The following ZNF517 variants were observed in gnomAD, a reference collection of about 807,000 sequenced individuals.
ZNF517 encodes the protein zinc finger protein 517.
In ZNF517, 12 loss-of-function variants were observed where a neutral mutation model predicts 12.1. The ratio of observed to expected loss-of-function variants is 0.99; its 90% CI spans 0.63 to 1.61. ZNF517 has a LOEUF of 1.61. Ranked by LOEUF, ZNF517 falls within the 40% of genes most tolerant of loss-of-function variation. The pLI, the probability that ZNF517 is intolerant of heterozygous loss-of-function variation, is 0.00. For synonymous variants in ZNF517, 388 were observed against 310.2 expected (o/e 1.25, Z -2.63); for missense variants, 781 against 693.2 (o/e 1.13, Z -1.42).
At chr8:144,804,087 C>G in intron 3 of ZNF517, 38 bp from the exon 4 acceptor site, 5 of 1,599,206 alleles carry the variant, frequency 3.1e-6, no homozygotes, top group Non-Finnish European at 4.3e-6. Context: ...CTTCTCCCTC[C>G]TGTACTGATA....
At chr8:144,801,815 G>A (rs148591685) in intron 1 of ZNF517, among the ~76,000 whole-genome samples, 1,701 of 152,082 alleles carry the variant, frequency 0.011, 32 homozygotes, top group African/African-American at 0.037. Flanking sequence ...GAGATCACTT[G>A]GGTCCAGGAG....
intron 1 of ZNF517, among the ~76,000 whole-genome samples, chr8:144,799,165 C>G (rs922232752): frequency 6.6e-6 from 1 of 152,108 alleles, no homozygotes; most frequent in Non-Finnish European, 1.5e-5. Context: ...GCCGGGCCCC[C>G]GAGACCCGCT....
chr8:144,805,999 T>A (rs920745929), intron 4 of ZNF517, among the ~76,000 whole-genome samples: 7 of 149,800 alleles, frequency 4.7e-5, no homozygotes, highest in African/African-American at 1.3e-4. Context: ...TCATCATATC[T>A]ATAATCTCTT....
chr8:144,810,334 G>C (rs1252625408), downstream of ZNF517: 4 of 534,644 alleles, frequency 7.5e-6, no homozygotes, highest in Non-Finnish European at 1.4e-5. Context: ...GGAACATGCA[G>C]ACCTGGCCCC....
downstream of ZNF517, chr8:144,811,304 CTT>C (rs1385640388): frequency 6.6e-6 from 1 of 152,522 alleles, no homozygotes; most frequent in Non-Finnish European, 1.5e-5. Flanking sequence ...GTTTCTGTCT[CTT>C]TTTGTTCCCA....
Position 144,804,106 on chromosome 8 carries a change from T to A in ZNF517, c.161-19T>A, listed in dbSNP as rs946752472. On this transcript the variant is annotated intron_variant, in intron 3 of 4. Coordinates refer to ENST00000359971, the MANE Select transcript of ZNF517 (RefSeq NM_213605.3). ...TCCCTCCTGTACTGATACGTGCTGC[T>A]TTCCTTCTCTGAGCTTAGGCTTTCT... 3 of 1,612,168 alleles carry A rather than the reference T, an allele frequency of 1.9e-6. No homozygotes were observed. In the African/African-American group the frequency reaches 4.0e-5, roughly 22 times the overall value.
At chr8:144,803,557 T>C in intron 2 of ZNF517, 84 bp from the exon 3 acceptor site, 1 of 1,566,686 alleles carries the variant, frequency 6.4e-7, no homozygotes, top group Non-Finnish European at 8.7e-7. Context: ...GAGAGAGGCC[T>C]CTAGCAGATC....
downstream of ZNF517, among the ~76,000 whole-genome samples, chr8:144,811,428 T>C (rs1827551429): frequency 1.3e-5 from 2 of 149,136 alleles, no homozygotes; most frequent in African/African-American, 5.0e-5. Context: ...GACTGCAGCC[T>C]GGAAGCAAAG....
At chr8:144,799,036 T>A (rs542169606) in intron 1 of ZNF517, 99 bp downstream of exon 1, 2 of 151,962 alleles carry the variant, frequency 1.3e-5, no homozygotes, top group Non-Finnish European at 2.9e-5. Flanking sequence ...CGCGCGGAGC[T>A]CGGCAGGGAG....
intron 4 of ZNF517, 84 bp downstream of exon 4, chr8:144,804,322 C>T: frequency 1.0e-6 from 1 of 961,930 alleles, no homozygotes; most frequent in Non-Finnish European, 1.5e-6. Context: ...CCTTCTTCTA[C>T]AGTGGGAGGT....
chr8:144,813,255 G>T (rs1449723032), downstream of ZNF517, among the ~76,000 whole-genome samples: 2 of 149,422 alleles, frequency 1.3e-5, no homozygotes, highest in Non-Finnish European at 3.0e-5. Context: ...GTCGGAGGTT[G>T]CAGTGAGCCG....
intron 1 of ZNF517, chr8:144,800,499 T>C (rs2130413721): frequency 3.0e-6 from 3 of 985,212 alleles, no homozygotes; most frequent in South Asian, 4.7e-5. Context: ...GAGGGTGGTA[T>C]GTGTTGAGGG....
chr8:144,805,370 G>A (rs1827175115), intron 4 of ZNF517, among the ~76,000 whole-genome samples: 1 of 152,186 alleles, frequency 6.6e-6, no homozygotes, highest in Admixed American at 6.5e-5. Flanking sequence ...TCGCTCTGTC[G>A]CCCAGGCTGG....
Position 144,807,346 on chromosome 8 carries a change from G to T in ZNF517, c.430G>T (p.Gly144Trp), listed in dbSNP as rs751318488. The T allele has an allele frequency of 1.3e-6, 2 of 1,554,588 alleles. No individual in the cohort carries two copies. The highest frequency in any genetic ancestry group is 8.7e-7 in the Non-Finnish European group (1 of 1,148,772). Residue 144 changes from glycine to tryptophan, a missense_variant, in exon 5 of 5, where the codon GGG becomes TGG. By Grantham distance (184) the Gly-to-Trp change is radical. Transcript: ENST00000359971. ...CCACCCGCATGGCGGTCCTGAGGAC[G>T]GGTCAGATAAACCCACCCACCCCCG... is the stretch of plus-strand genomic sequence containing the variant. ...PPHPHGGPED[G>W]SDKPTHPRAR...
rs1030080271 is a variant in ZNF517, at chr8:144,808,793, C to T, written c.*398C>T. 45 of 165,096 alleles carry T rather than the reference C, an allele frequency of 2.7e-4. No homozygotes were observed. The highest frequency in any genetic ancestry group is 2.4e-3 in the Admixed American group (38 of 15,586). 10.2% of individuals were successfully genotyped at this position (165,096 alleles called of 1,614,324 possible). ...ACCATTGGGCACAGCCAGGCCTTAG[C>T]GCCAGGCTCCGTGTGGCGGTCAATT... On this transcript the variant is annotated 3_prime_UTR_variant, in exon 5 of 5. Coordinates refer to ENST00000359971, the MANE Select transcript of ZNF517 (RefSeq NM_213605.3).
chr8:144,809,350 G>A lies in ZNF517; in HGVS notation c.*955G>A, dbSNP rs1230759994. ...GGACTAAGGCACACACACTGTACTTGGCAGCTGGCGAAGCATTGTTTCTGA... is the reference window on the plus strand; with the variant it reads ...GGACTAAGGCACACACACTGTACTTAGCAGCTGGCGAAGCATTGTTTCTGA... On this transcript the variant is annotated 3_prime_UTR_variant, in exon 5 of 5. Coordinates refer to ENST00000359971, the MANE Select transcript of ZNF517 (RefSeq NM_213605.3). The A allele has an allele frequency of 6.6e-6, 1 of 152,182 alleles. No homozygotes were observed. Among genetic ancestry groups the A allele is most frequent in the Non-Finnish European group, 1.5e-5 (1 of 68,080 alleles). 9.4% of individuals were successfully genotyped at this position (152,182 alleles called of 1,614,324 possible). A position where few individuals can be genotyped will look rare whatever the true frequency, so the allele number is the denominator to read the frequency against.
rs538399978 is a variant in ZNF517 at position 144,807,813 on chromosome 8, C to G, written c.897C>G (p.Cys299Trp). The G allele has an allele frequency of 1.2e-6, 2 of 1,609,858 alleles. No individual in the cohort carries two copies. Among genetic ancestry groups the G allele is most frequent in the South Asian group, 2.2e-5 (2 of 90,886 alleles). ...GCACAGAGTGCGGCAAGGCGTTCTG[C>G]CGCAGGTTCACCCTCAACGAGCACG... ...FACTECGKAF[C>W]RRFTLNEHGR... Residue 299 changes from cysteine to tryptophan, a missense_variant, in exon 5 of 5, where the codon TGC becomes TGG. By Grantham distance (215) the Cys-to-Trp change is radical (BLOSUM62 -2). Coordinates refer to ENST00000359971, the MANE Select transcript of ZNF517 (RefSeq NM_213605.3).
chr8:144,799,329 G>T (rs985156744), intron 1 of ZNF517, among the ~76,000 whole-genome samples: 5 of 152,292 alleles, frequency 3.3e-5, no homozygotes, highest in African/African-American at 1.2e-4. Context: ...GCCGTTTCCC[G>T]CAGCGTTCAT....
intron 1 of ZNF517, among the ~76,000 whole-genome samples, chr8:144,802,482 G>A (rs1319442196): frequency 6.6e-6 from 1 of 152,230 alleles, no homozygotes; most frequent in East Asian, 1.9e-4. Context: ...GGCCCTAGGG[G>A]TACAGACCAG....
Sources: allele counts gnomAD v4.1 joint callset (sites outside exome capture counted in the v4.1 genomes callset), GRCh38; gene constraint gnomAD v4.1.1; transcripts MANE v1.5; gene names NCBI Gene and HGNC (gene_info 2026-07-23, HGNC 2026-07-21).